The following MEGF10 variants were observed in gnomAD, a reference collection of about 807,000 sequenced individuals.
The protein encoded by MEGF10 is multiple EGF like domains 10, also known as multiple epidermal growth factor-like domains protein 10.
A neutral mutation model predicts 147.5 loss-of-function variants in MEGF10; 86 were observed. That is an observed-to-expected ratio of 0.58 (90% CI 0.49 to 0.70). The LOEUF is 0.70. MEGF10 is among the 30% of genes least tolerant of loss of function. The probability of loss-of-function intolerance (pLI) is 0.00; values close to 1 mark genes in which losing one functional copy is unlikely to be tolerated. For synonymous variants in MEGF10, 478 were observed against 525.5 expected, an observed-to-expected ratio of 0.91 and a Z score of 1.24; for missense variants, 1,329 against 1,487.3, an observed-to-expected ratio of 0.89 and a Z score of 1.75.
At chr5:127,402,732 A>G (rs1211228044) in intron 8 of MEGF10, 50 bp downstream of exon 8, 1 of 1,603,556 alleles carries the variant, frequency 6.2e-7, no homozygotes, top group Non-Finnish European at 8.5e-7. Flanking sequence ...ATGTGAAAGG[A>G]AAGTTTGTAG....
intron 13 of MEGF10, among the ~76,000 whole-genome samples, chr5:127,430,627 G>GT (rs1403010873): frequency 3.9e-5 from 6 of 152,106 alleles, no homozygotes. Context: ...AATAATAAAT[G>GT]TATCTTGTCC....
In MEGF10 at chr5:127,433,404, C is replaced by T. The variant is rs1378703050; in HGVS notation, c.1735C>T (p.Pro579Ser). 1.9e-6 allele frequency: 3 copies of T among 1,614,016 alleles called. No individual in the cohort carries two copies. The highest frequency in any genetic ancestry group is 2.5e-6 in the Non-Finnish European group (3 of 1,180,016). The change falls in exon 14 of 25, where the codon CCC (proline) becomes TCC (serine). Residue 579 changes from proline to serine, a missense_variant. Coordinates refer to ENST00000503335, the MANE Select transcript of MEGF10 (RefSeq NM_001256545.2). ...CGTGTGTGCTGAGGGACGCTGGGGC[C>T]CCAACTGCTCCCTGCCCTGCTACTG... ...DSVCAEGRWG[P>S]NCSLPCYCKN...
At chr5:127,398,107 C>G (rs1763991845) in intron 6 of MEGF10, among the ~76,000 whole-genome samples, 1 of 151,726 alleles carries the variant, frequency 6.6e-6, no homozygotes, top group Admixed American at 6.6e-5. Flanking sequence ...GGACAAATAC[C>G]TAATGCATGC....
chr5:127,455,243 T>C (rs546676363), intron 23 of MEGF10, among the ~76,000 whole-genome samples, 158 bp from the exon 24 acceptor site: 2 of 152,370 alleles, frequency 1.3e-5, no homozygotes, highest in South Asian at 2.1e-4. Context: ...GGTCATTTTA[T>C]AGCAGATTCT....
At chr5:127,378,270 A>G (rs1004258640) in intron 5 of MEGF10, among the ~76,000 whole-genome samples, 5 of 152,190 alleles carry the variant, frequency 3.3e-5, no homozygotes, top group East Asian at 3.9e-4. Context: ...AAGACTTAAC[A>G]GGTATTCGCC....
chr5:127,394,005 G>T (rs1238953315), intron 5 of MEGF10, among the ~76,000 whole-genome samples: 1 of 152,090 alleles, frequency 6.6e-6, no homozygotes, highest in Non-Finnish European at 1.5e-5. Context: ...GTTCTGTAAA[G>T]TGTATGTGCT....
At chr5:127,267,939 A>G in the MEGF10 span, among the ~76,000 whole-genome samples, 1 of 151,932 alleles carries the variant, frequency 6.6e-6, no homozygotes. Flanking sequence ...CTCTGATCTT[A>G]CTTATTTCTT....
At position 127,440,773 on chromosome 5, in the gene MEGF10, A is replaced by G. The variant is rs545605784; in HGVS notation, c.2268A>G (p.Ala756=). Reference sequence around the variant, plus strand: ...TAGGGTTTTATGGAAAAGATTGTGCACTGATATGCCAATGTCAAAACGGAG... The same window carrying G: ...TAGGGTTTTATGGAAAAGATTGTGCGCTGATATGCCAATGTCAAAACGGAG... The part of the protein sequence containing the change: ...CPLGFYGKDC[A]LICQCQNGAD... The change falls in exon 18 of 25, where the codon GCA becomes GCG. Residue 756 remains alanine, a synonymous_variant. Transcript: ENST00000503335. 1 of 1,614,136 alleles carries G rather than the reference A, an allele frequency of 6.2e-7. No homozygotes were observed. The highest frequency in any genetic ancestry group is 2.2e-5 in the East Asian group (1 of 44,876).
chr5:127,265,835 A>G, the MEGF10 span, among the ~76,000 whole-genome samples: 1 of 151,904 alleles, frequency 6.6e-6, no homozygotes, highest in Non-Finnish European at 1.5e-5. Flanking sequence ...TTCTCAGATG[A>G]GTAGATTGCA....
chr5:127,372,205 A>G lies in MEGF10; in HGVS notation c.412+2203A>G, dbSNP rs770979487. 5.9e-5 allele frequency among the ~76,000 whole-genome samples: 9 copies of G among 152,336 alleles called. 1 individual carries two copies. The highest frequency in any genetic ancestry group is 8.8e-5 in the Non-Finnish European group (6 of 68,030). On this transcript the variant is annotated intron_variant, in intron 5 of 24. Transcript: ENST00000503335. Reference sequence around the variant, plus strand: ...CAATTTGATGGTGGACATTAGATCCATAATATAATTGCTTTGATAATTAGA... The same window carrying G: ...CAATTTGATGGTGGACATTAGATCCGTAATATAATTGCTTTGATAATTAGA...
the MEGF10 span, among the ~76,000 whole-genome samples, chr5:127,262,791 TTCTCTA>T: frequency 3.9e-5 from 6 of 152,202 alleles, no homozygotes; most frequent in South Asian, 1.0e-3. Flanking sequence ...TACACTTTTG[TTCTCTA>T]TCTCTATCTC....
intron 1 of MEGF10, among the ~76,000 whole-genome samples, chr5:127,298,109 C>A (rs1414636152): frequency 6.6e-6 from 1 of 152,176 alleles, no homozygotes; most frequent in African/African-American, 2.4e-5. Context: ...GAGTTCATAT[C>A]TTAACACTTA....
chr5:127,431,987 A>G (rs1161489307), intron 13 of MEGF10, among the ~76,000 whole-genome samples: 1 of 152,220 alleles, frequency 6.6e-6, no homozygotes, highest in East Asian at 1.9e-4. Flanking sequence ...GATTGCAAGA[A>G]AAAAATCAAC....
intron 5 of MEGF10, 48 bp downstream of exon 5, chr5:127,370,050 G>A (rs768524674): frequency 6.9e-7 from 1 of 1,439,426 alleles, no homozygotes; most frequent in Non-Finnish European, 9.8e-7. Context: ...TTTGCTGTAA[G>A]GCCCTCCTTG....
intron 5 of MEGF10, among the ~76,000 whole-genome samples, chr5:127,390,219 G>T (rs1763592409): frequency 6.6e-6 from 1 of 151,852 alleles, no homozygotes; most frequent in South Asian, 2.1e-4. Flanking sequence ...TGCAGTTGCT[G>T]CATCCTTACC....
intron 4 of MEGF10, among the ~76,000 whole-genome samples, chr5:127,363,156 T>A (rs1397289219): frequency 2.6e-5 from 4 of 152,214 alleles, no homozygotes; most frequent in African/African-American, 2.4e-5. Flanking sequence ...TATCTCCTCC[T>A]TATATAGATG....
At chr5:127,338,404 C>T (rs1761547786) in intron 2 of MEGF10, among the ~76,000 whole-genome samples, 1 of 152,086 alleles carries the variant, frequency 6.6e-6, no homozygotes, top group Non-Finnish European at 1.5e-5. Context: ...ATGTTTTCCA[C>T]CCATGTTCTT....
chr5:127,317,006 C>A (rs1461340684), intron 1 of MEGF10, among the ~76,000 whole-genome samples: 1 of 152,160 alleles, frequency 6.6e-6, no homozygotes, highest in African/African-American at 2.4e-5. Flanking sequence ...GGAGTGAAAA[C>A]CTCTAATGTT....
intron 4 of MEGF10, among the ~76,000 whole-genome samples, chr5:127,345,944 A>G (rs1761869304): frequency 6.6e-6 from 1 of 152,140 alleles, no homozygotes. Context: ...CAGAATATAC[A>G]GTGTTTGGTT....
Sources: allele counts gnomAD v4.1 joint callset (sites outside exome capture counted in the v4.1 genomes callset), GRCh38; gene constraint gnomAD v4.1.1; transcripts MANE v1.5; gene names NCBI Gene and HGNC (gene_info 2026-07-23, HGNC 2026-07-21).